STARD9: variants seen among roughly 807,000 people sequenced by gnomAD.
STARD9 encodes the protein StAR related lipid transfer domain containing 9.
STARD9 carries 346 observed loss-of-function variants against 399.8 expected under a neutral mutation model. The observed-to-expected ratio is 0.87, with a 90% CI of 0.79 to 0.95. The LOEUF (loss-of-function observed/expected upper bound fraction) is 0.95. Ranked by LOEUF, STARD9 falls within the 40% of genes least tolerant of loss-of-function variation. The probability of loss-of-function intolerance (pLI) is 0.00; values close to 1 mark genes in which losing one functional copy is unlikely to be tolerated. For synonymous variants in STARD9, 2,203 were observed against 2,143.5 expected, an observed-to-expected ratio of 1.03 and a Z score of -0.77; for missense variants, 5,832 against 5,667.5, an observed-to-expected ratio of 1.03 and a Z score of -0.93.
chr15:42,608,008 G>T (rs2058772325), intron 3 of STARD9, among the ~76,000 whole-genome samples: 1 of 152,112 alleles, frequency 6.6e-6, no homozygotes, highest in African/African-American at 2.4e-5. Context: ...CCCCCCGCAG[G>T]TCTCTTTTCC....
At chr15:42,586,484 T>C (rs1362703343) in intron 3 of STARD9, among the ~76,000 whole-genome samples, 1 of 152,188 alleles carries the variant, frequency 6.6e-6, no homozygotes, top group African/African-American at 2.4e-5. Flanking sequence ...GAAGCAGCAG[T>C]GTTGTCTTGG....
chr15:42,692,979 C>G lies in STARD9; in HGVS notation c.11401C>G (p.Gln3801Glu). Residue 3801 changes from glutamine (Q) to glutamate (E), a missense_variant, in exon 23 of 33, where the codon CAG becomes GAG. This residue lies in a region of STARD9 where 5,828 missense variants were observed against 5,651.1 expected (regional missense o/e 1.03). Coordinates refer to ENST00000290607, the MANE Select transcript of STARD9 (RefSeq NM_020759.3). ...AQKMAQLLYL[Q>E]EESTPYKPQS... ...GAAAATGGCTCAGCTCCTCTATCTT[C>G]AGGAAGAAAGCACTCCCTACAAGCC... is the stretch of plus-strand genomic sequence containing the variant. 3 of 1,537,222 alleles carry G rather than the reference C, an allele frequency of 2.0e-6. No homozygotes were observed. Among genetic ancestry groups the G allele is most frequent in the Non-Finnish European group, 2.6e-6 (3 of 1,146,902 alleles).
intron 3 of STARD9, among the ~76,000 whole-genome samples, chr15:42,588,216 G>A (rs1022244357): frequency 2.0e-5 from 3 of 151,994 alleles, no homozygotes; most frequent in Non-Finnish European, 4.4e-5. Context: ...TTATGTGTGT[G>A]TGTGTGTGTG....
At chr15:42,627,498 G>T (rs564745293) in intron 3 of STARD9, among the ~76,000 whole-genome samples, 2 of 152,104 alleles carry the variant, frequency 1.3e-5, no homozygotes, top group African/African-American at 4.8e-5. Context: ...ATAAATTTTT[G>T]TTGGCTGTAG....
At position 42,665,258 on chromosome 15, in the gene STARD9, A is replaced by G. The variant is rs553619331; in HGVS notation, c.1182A>G (p.Ala394=). Reference sequence around the variant, plus strand: ...TGGAGTTCTCTGTGTTTCAGGATGCAAACTTAAAACTGATTAGAGAACTCA... The same window carrying G: ...TGGAGTTCTCTGTGTTTCAGGATGCGAACTTAAAACTGATTAGAGAACTCA... ...IINKPRVNED[A]NLKLIRELRE... The change falls in exon 14 of 33, where the codon GCA becomes GCG. Residue 394 remains alanine, a synonymous_variant. Coordinates refer to ENST00000290607, the MANE Select transcript of STARD9 (RefSeq NM_020759.3). 37 of 1,536,928 alleles carry G rather than the reference A, an allele frequency of 2.4e-5. No homozygotes were observed. The highest frequency in any genetic ancestry group is 3.1e-5 in the Non-Finnish European group (35 of 1,146,644).
chr15:42,691,224 A>G lies in STARD9; in HGVS notation c.9646A>G (p.Arg3216Gly). The G allele has an allele frequency of 1.3e-6, 2 of 1,537,284 alleles. No homozygotes were observed. The highest frequency in any genetic ancestry group is 1.2e-5 in the South Asian group (1 of 84,064). The change falls in exon 23 of 33, where the codon AGA becomes GGA. Residue 3216 changes from arginine (R) to glycine (G), a missense_variant. Physicochemically the swap from Arg to Gly is moderately radical, Grantham distance 125 (BLOSUM62 -2). Coordinates refer to ENST00000290607, the MANE Select transcript of STARD9 (RefSeq NM_020759.3). ...TCCCTGGCAGGAAGAAGAGCAGCACAGAGACCAGGCTTCAGGTGGTGGAGA... is the reference window on the plus strand; with the variant it reads ...TCCCTGGCAGGAAGAAGAGCAGCACGGAGACCAGGCTTCAGGTGGTGGAGA... Reference protein sequence around the residue: ...DSPWQEEEQHRDQASGGGEGF... With the variant: ...DSPWQEEEQHGDQASGGGEGF...
rs1272781249 is a variant in STARD9 at position 42,663,414 on chromosome 15, C to T, written c.1002C>T (p.Ile334=). The T allele has an allele frequency of 3.9e-6, 6 of 1,537,172 alleles. No individual in the cohort carries two copies. The highest frequency in any genetic ancestry group is 3.6e-5 in the South Asian group (3 of 84,066). ...CACCCTCCCGAAGGCAGTCTTATAT[C>T]CCATACCGAGACTCTGTGTTGACCT... ...GGAPSRRQSY[I]PYRDSVLTWL... The change falls in exon 12 of 33, where the codon ATC becomes ATT. Residue 334 remains isoleucine (I), a synonymous_variant. Coordinates refer to ENST00000290607, the MANE Select transcript of STARD9 (RefSeq NM_020759.3).
chr15:42,713,780 C>A (rs1425547345), intron 26 of STARD9, among the ~76,000 whole-genome samples: 1 of 152,036 alleles, frequency 6.6e-6, no homozygotes, highest in Non-Finnish European at 1.5e-5. Flanking sequence ...TGCTAGATTT[C>A]AGTTTACTAG....
In STARD9 at chr15:42,669,230, G is replaced by C. The variant is rs2060160185; in HGVS notation, c.1390G>C (p.Asp464His). Reference sequence around the variant, plus strand: ...GGCCCTCATGGAGCATTACAGTGTGGACATCAACAGGAGGAGGGCTGGGGT... The same window carrying C: ...GGCCCTCATGGAGCATTACAGTGTGCACATCAACAGGAGGAGGGCTGGGGT... ...WQALMEHYSVDINRRRAGVVI... is the reference protein window; with the variant it reads ...WQALMEHYSVHINRRRAGVVI... Residue 464 changes from aspartate (D) to histidine (H), a missense_variant, in exon 16 of 33, where the codon GAC becomes CAC. Coordinates refer to ENST00000290607, the MANE Select transcript of STARD9 (RefSeq NM_020759.3). 5 of 1,537,144 alleles carry C rather than the reference G, an allele frequency of 3.3e-6. No homozygotes were observed. Among genetic ancestry groups the C allele is most frequent in the Non-Finnish European group, 3.5e-6 (4 of 1,146,828 alleles).
intron 7 of STARD9, among the ~76,000 whole-genome samples, chr15:42,646,465 T>G (rs1351943206): frequency 6.6e-6 from 1 of 152,252 alleles, no homozygotes; most frequent in Admixed American, 6.5e-5. Context: ...CACTTAAATG[T>G]TACTGAGAAG....
rs376095487 is a variant in STARD9, at chr15:42,661,269, C to T, written c.770+44C>T. The stretch of plus-strand genomic sequence containing the variant: ...CTAAGGGGAATTACTCTTGTTCTTG[C>T]CTGTTTTACAGGGAATAAGCTGTTC... On this transcript the variant is annotated intron_variant, in intron 10 of 32. Transcript: ENST00000290607. 285 of 1,331,408 alleles carry T rather than the reference C, an allele frequency of 2.1e-4. 1 individual carries two copies. The African/African-American group carries it at 3.4e-3, about 16-fold the overall frequency. 82.5% of individuals were successfully genotyped at this position (1,331,408 alleles called of 1,614,324 possible).
In STARD9 at chr15:42,702,748, T is replaced by C. The variant is rs564319727; in HGVS notation, c.13284+6868T>C. 2.9e-3 allele frequency among the ~76,000 whole-genome samples: 441 copies of C among 152,290 alleles called. 3 individuals are homozygous for C. Among genetic ancestry groups the C allele is most frequent in the African/African-American group, 0.01 (417 of 41,546 alleles). On this transcript the variant is annotated intron_variant, in intron 26 of 32. Transcript: ENST00000290607. Reference sequence around the variant, plus strand: ...TGTTGATGAATTTCCCCAATTTTCATTTGTCTGGGAAAGTCTTTCCTCTCT... The same window carrying C: ...TGTTGATGAATTTCCCCAATTTTCACTTGTCTGGGAAAGTCTTTCCTCTCT...
Position 42,694,113 on chromosome 15 carries a change from C to T in STARD9, c.12535C>T (p.Pro4179Ser), listed in dbSNP as rs1395229024. The change falls in exon 23 of 33, where the codon CCA becomes TCA. Residue 4179 changes from proline to serine, a missense_variant. This residue lies in a region of STARD9 where 5,828 missense variants were observed against 5,651.1 expected (regional missense o/e 1.03). Transcript: ENST00000290607. ...CTCTGAAAAGCAGGAACAGAGTCCC[C>T]CACAACCTCCTAATGACCACAGCCA... ...LSSEKQEQSP[P>S]QPPNDHSQDS... 2.0e-6 allele frequency: 3 copies of T among 1,537,004 alleles called. No homozygotes were observed. Among genetic ancestry groups the T allele is most frequent in the Non-Finnish European group, 2.6e-6 (3 of 1,146,830 alleles).
rs1392985230 is a variant in STARD9 at position 42,686,096 on chromosome 15, C to G, written c.4518C>G (p.Pro1506=). 7 of 1,537,228 alleles carry G rather than the reference C, an allele frequency of 4.6e-6. No individual in the cohort carries two copies. The South Asian group carries it at 7.1e-5, about 16-fold the overall frequency. Residue 1506 remains proline, a synonymous_variant, in exon 23 of 33, where the codon CCC becomes CCG. Coordinates refer to ENST00000290607, the MANE Select transcript of STARD9 (RefSeq NM_020759.3). ...SCPVLEAIGA[P]KPAYPYLEED... Reference sequence around the variant, plus strand: ...CTGTTTTGGAGGCCATAGGAGCACCCAAGCCAGCTTACCCCTACCTTGAGG... The same window carrying G: ...CTGTTTTGGAGGCCATAGGAGCACCGAAGCCAGCTTACCCCTACCTTGAGG...
intron 26 of STARD9, among the ~76,000 whole-genome samples, chr15:42,703,265 T>C (rs577736918): frequency 4.6e-4 from 70 of 152,354 alleles, no homozygotes; most frequent in South Asian, 4.4e-3. Flanking sequence ...GAAAGTTCCC[T>C]GTTATTATTG....
At chr15:42,638,567 T>C (rs1345693422) in intron 6 of STARD9, 133 bp from the exon 7 acceptor site, 1 of 592,138 alleles carries the variant, frequency 1.7e-6, no homozygotes, top group East Asian at 3.0e-5. Flanking sequence ...AGGGGGAACC[T>C]TGGCTTGATC....
Position 42,674,914 on chromosome 15 carries a change from G to T in STARD9, c.1637G>T (p.Arg546Leu), listed in dbSNP as rs1205897883. ...VVVLRPARGA[R>L]CTVNGREVTA... ...GTTCTACGACCTGCCCGTGGGGCCC[G>T]CTGTACAGTCAATGGCCGGGAGGTC... is the stretch of plus-strand genomic sequence containing the variant. The change falls in exon 18 of 33, where the codon CGC (arginine) becomes CTC (leucine). Residue 546 changes from arginine (R) to leucine (L), a missense_variant. Transcript: ENST00000290607. 6.5e-6 allele frequency: 10 copies of T among 1,536,824 alleles called. No individual in the cohort carries two copies. In the African/African-American group the frequency reaches 9.6e-5, roughly 15 times the overall value.
chr15:42,587,161 G>C (rs1439839737), intron 3 of STARD9, among the ~76,000 whole-genome samples: 6 of 152,132 alleles, frequency 3.9e-5, no homozygotes, highest in African/African-American at 1.4e-4. Context: ...CAGCTATAAA[G>C]CTTTTAATAA....
At chr15:42,593,137 A>G (rs2058434130) in intron 3 of STARD9, among the ~76,000 whole-genome samples, 1 of 152,182 alleles carries the variant, frequency 6.6e-6, no homozygotes, top group Non-Finnish European at 1.5e-5. Context: ...TATCATACGT[A>G]GTACAAGAGA....
Sources: gnomAD v4.1 joint callset for allele counts (sites outside exome capture counted in the v4.1 genomes callset) on GRCh38, gnomAD v4.1.1 for gene constraint, gnomAD v4.1.1 regional missense constraint, MANE v1.5 for transcripts, NCBI Gene and HGNC (gene_info 2026-07-23, HGNC 2026-07-21) for gene names.